Variants in TMEM65 observed in about 807,000 individuals in gnomAD.
TMEM65 encodes transmembrane protein 65.
TMEM65 carries 22 observed loss-of-function variants against 25.4 expected under a neutral mutation model. The observed-to-expected ratio is 0.86, with a 90% CI of 0.62 to 1.23. The LOEUF (loss-of-function observed/expected upper bound fraction) is 1.23, where lower values mean the gene tolerates loss of function less well. TMEM65 is among the 50% of genes most tolerant of loss of function. The pLI, the probability that TMEM65 is intolerant of heterozygous loss-of-function variation, is 0.00. For synonymous variants in TMEM65, 132 were observed against 126.2 expected (o/e 1.05, Z -0.31); for missense variants, 262 against 308.2 (o/e 0.85, Z 1.12).
intron 1 of TMEM65, among the ~76,000 whole-genome samples, chr8:124,364,670 T>C (rs976483914): frequency 2.0e-5 from 3 of 152,208 alleles, no homozygotes; most frequent in African/African-American, 7.2e-5. Context: ...GGAGAAATGA[T>C]TTTGTTACCT....
chr8:124,360,338 G>A (rs1222755216), intron 1 of TMEM65, among the ~76,000 whole-genome samples: 4 of 149,824 alleles, frequency 2.7e-5, no homozygotes, highest in Admixed American at 2.0e-4. Flanking sequence ...GCTGAGGCAG[G>A]AGAGTCGCTT....
chr8:124,325,794 T>A (rs571034002), intron 3 of TMEM65, among the ~76,000 whole-genome samples: 2 of 151,992 alleles, frequency 1.3e-5, no homozygotes, highest in African/African-American at 4.8e-5. Context: ...TGGTAGCTGA[T>A]CCCCATCAAT....
intron 1 of TMEM65, among the ~76,000 whole-genome samples, chr8:124,365,225 T>C (rs28562339): frequency 0.076 from 11,532 of 152,264 alleles, 466 homozygotes; most frequent in African/African-American, 0.11. Flanking sequence ...AATTAAACTA[T>C]ACATATAAGT....
At position 124,364,254 on chromosome 8, in the gene TMEM65, T is replaced by C. The variant is rs552494068; in HGVS notation, c.304+7600A>G. Among the ~76,000 whole-genome samples, 6 of 152,264 alleles carry C rather than the reference T, an allele frequency of 3.9e-5. No individual in the cohort carries two copies. In the South Asian group the frequency reaches 1.0e-3, roughly 26 times the overall value. ...AATTGGCAGAAGTAAAATCAGACTT[T>C]AGAAACAATAACAGGATGTCATGAA... On this transcript the variant is annotated intron_variant, in intron 1 of 6. Coordinates refer to ENST00000297632, the MANE Select transcript of TMEM65 (RefSeq NM_194291.3).
rs1333071419 is a variant in TMEM65 at position 124,312,420 on chromosome 8, C to T, written c.*1540G>A. 2 of 151,798 alleles carry T rather than the reference C, an allele frequency of 1.3e-5. No homozygotes were observed. The highest frequency in any genetic ancestry group is 2.4e-5 in the African/African-American group (1 of 41,368). The allele number at this position is 151,798 out of a possible 1,614,324, so 9.4% of individuals were successfully genotyped here. ...CATGAGAGAATTTATGACAAACTGC[C>T]TTGTGAAAAAATATCTACTCTGAAG... is the stretch of plus-strand genomic sequence containing the variant. On this transcript the variant is annotated 3_prime_UTR_variant, in exon 7 of 7. Transcript: ENST00000297632.
rs1814179981 is a variant in TMEM65 at position 124,312,755 on chromosome 8, A to G, written c.*1205T>C. ...ACCTAAAATATGCTTTAAATACCAC[A>G]AAAGAAGAAAAAAGAAAAACAAAGG... On this transcript the variant is annotated 3_prime_UTR_variant, in exon 7 of 7. Transcript: ENST00000297632. The G allele has an allele frequency of 6.6e-6, 1 of 151,980 alleles. No homozygotes were observed. The highest frequency in any genetic ancestry group is 6.5e-5 in the Admixed American group (1 of 15,268). 9.4% of individuals were successfully genotyped at this position (151,980 alleles called of 1,614,324 possible).
chr8:124,325,225 C>T (rs1160892746), intron 3 of TMEM65, among the ~76,000 whole-genome samples: 1 of 151,910 alleles, frequency 6.6e-6, no homozygotes, highest in South Asian at 2.1e-4. Context: ...TCAACTATCT[C>T]CTCAACTTAC....
At position 124,372,081 on chromosome 8, in the gene TMEM65, G is replaced by C; in HGVS notation, c.77C>G (p.Pro26Arg). 8.9e-7 allele frequency: 1 copy of C among 1,125,142 alleles called. No individual in the cohort carries two copies. The allele number at this position is 1,125,142 out of a possible 1,614,324, so 69.7% of individuals were successfully genotyped here. ...LRPGPAAAAA[P>R]RPPSWCCCGR... is the part of the protein sequence containing the mutation. ...GCAGCAGCACCAGGACGGCGGGCGG[G>C]GCGCGGCGGCGGCGGCCGGGCCCGG... Residue 26 changes from proline to arginine, a missense_variant, in exon 1 of 7, where the codon CCC (proline) becomes CGC (arginine). Transcript: ENST00000297632.
chr8:124,330,843 T>C (rs754002163), intron 1 of TMEM65, 51 bp from the exon 2 acceptor site: 16 of 1,466,836 alleles, frequency 1.1e-5, no homozygotes, highest in Non-Finnish European at 1.4e-5. Context: ...TACAGCGTGA[T>C]ATTTTTTATT....
intron 1 of TMEM65, among the ~76,000 whole-genome samples, chr8:124,370,908 G>A (rs1429285271): frequency 6.6e-6 from 1 of 152,174 alleles, no homozygotes; most frequent in East Asian, 1.9e-4. Context: ...ACAAACTGAA[G>A]CAATGTGTTT....
chr8:124,340,336 T>C (rs958829689), intron 1 of TMEM65, among the ~76,000 whole-genome samples: 4 of 152,152 alleles, frequency 2.6e-5, no homozygotes, highest in African/African-American at 9.7e-5. Flanking sequence ...CCTTATGATA[T>C]TGCCAAATTA....
intron 4 of TMEM65, 25 bp downstream of exon 4, chr8:124,323,296 A>T: frequency 7.7e-7 from 1 of 1,296,508 alleles, no homozygotes; most frequent in Non-Finnish European, 1.1e-6. Flanking sequence ...ACAATGAAAT[A>T]ATAACATTTA....
chr8:124,371,957 G>GCT lies in TMEM65; in HGVS notation c.200_201insAG (p.Asn67LysfsTer49). On this transcript the variant is annotated frameshift_variant, in exon 1 of 7. Transcript: ENST00000297632. LOFTEE classifies it high-confidence loss of function. ...TGAAGTCGCGCGCGCCCTGCGCCGT[G>GCT]TTCAGCGCCTCCATGGGCTCCTTCT... 1.3e-6 allele frequency: 2 copies of GCT among 1,506,640 alleles called. No individual in the cohort carries two copies. The highest frequency in any genetic ancestry group is 1.8e-6 in the Non-Finnish European group (2 of 1,130,724). 93.3% of individuals were successfully genotyped at this position (1,506,640 alleles called of 1,614,324 possible).
chr8:124,350,859 A>C, intron 1 of TMEM65: 1 of 338,312 alleles, frequency 3.0e-6, no homozygotes, highest in Non-Finnish European at 4.2e-6. Flanking sequence ...GCCTTTTCTT[A>C]AAGTTATAAA....
intron 1 of TMEM65, among the ~76,000 whole-genome samples, chr8:124,341,960 T>C (rs1814588191): frequency 6.6e-6 from 1 of 152,010 alleles, no homozygotes; most frequent in African/African-American, 2.4e-5. Flanking sequence ...CATATTAAAT[T>C]ATATGAGAAG....
chr8:124,356,988 G>A (rs1337145195), intron 1 of TMEM65, among the ~76,000 whole-genome samples: 1 of 151,950 alleles, frequency 6.6e-6, no homozygotes, highest in African/African-American at 2.4e-5. Context: ...GATTACAGGT[G>A]TGAGCCACCG....
chr8:124,355,712 A>G (rs970048471), intron 1 of TMEM65, among the ~76,000 whole-genome samples: 6 of 152,366 alleles, frequency 3.9e-5, no homozygotes, highest in Admixed American at 2.0e-4. Context: ...TTTCTAAACC[A>G]TAAGAGAACT....
chr8:124,371,179 C>A (rs955388648), intron 1 of TMEM65, among the ~76,000 whole-genome samples: 1 of 152,176 alleles, frequency 6.6e-6, no homozygotes, highest in Non-Finnish European at 1.5e-5. Flanking sequence ...AAAAAATATA[C>A]CTCCTTATTT....
At chr8:124,358,001 TG>T (rs1228522634) in intron 1 of TMEM65, among the ~76,000 whole-genome samples, 2 of 151,964 alleles carry the variant, frequency 1.3e-5, no homozygotes, top group African/African-American at 4.8e-5. Context: ...AGCTAGTTTT[TG>T]TATTTTCAGT....
Sources: allele counts gnomAD v4.1 joint callset (sites outside exome capture counted in the v4.1 genomes callset), GRCh38; gene constraint gnomAD v4.1.1; transcripts MANE v1.5; gene names NCBI Gene and HGNC (gene_info 2026-07-23, HGNC 2026-07-21).